NXPE2: variants seen among roughly 807,000 people sequenced by gnomAD.
NXPE2 encodes the protein NXPE family member 2.
NXPE2 carries 34 observed loss-of-function variants against 34.4 expected under a neutral mutation model. The ratio of observed to expected loss-of-function variants is 0.99; its 90% CI spans 0.75 to 1.31. NXPE2 has a LOEUF of 1.31. Among genes scored for constraint, NXPE2 ranks in the 40% most tolerant of loss-of-function variants. The pLI is 0.00. For synonymous variants in NXPE2, 235 were observed against 231.3 expected (o/e 1.02, Z -0.15); for missense variants, 649 against 672.5 (o/e 0.97, Z 0.39).
chr11:114,637,193 A>C, the NXPE2 span, among the ~76,000 whole-genome samples: 4 of 151,852 alleles, frequency 2.6e-5, no homozygotes, highest in Admixed American at 2.0e-4. Context: ...CTTCTTGTTG[A>C]GTTGATCCCT....
chr11:114,574,476 G>A, the NXPE2 span, among the ~76,000 whole-genome samples: 1 of 152,010 alleles, frequency 6.6e-6, no homozygotes, highest in Non-Finnish European at 1.5e-5. Flanking sequence ...ACTAAGAAGA[G>A]AGAAGATCCA....
chr11:114,666,332 A>T, the NXPE2 span, among the ~76,000 whole-genome samples: 1 of 152,144 alleles, frequency 6.6e-6, no homozygotes, highest in Non-Finnish European at 1.5e-5. Context: ...CCTCCTTTAA[A>T]GTAAAGTAAA....
chr11:114,637,322 C>A, the NXPE2 span, among the ~76,000 whole-genome samples: 1 of 151,682 alleles, frequency 6.6e-6, no homozygotes, highest in African/African-American at 2.4e-5. Flanking sequence ...CTTGGTAGAT[C>A]TTCCTCCATC....
the NXPE2 span, among the ~76,000 whole-genome samples, chr11:114,714,723 A>G: frequency 1.3e-5 from 2 of 152,120 alleles, no homozygotes; most frequent in East Asian, 1.9e-4. Flanking sequence ...ACCTGTATAT[A>G]GATAAAAATA....
chr11:114,737,571 A>G, the NXPE2 span, among the ~76,000 whole-genome samples: 22 of 152,146 alleles, frequency 1.4e-4, no homozygotes, highest in Non-Finnish European at 1.9e-4. Context: ...CTGCCAAACA[A>G]TTCTAGAGGT....
the NXPE2 span, among the ~76,000 whole-genome samples, chr11:114,805,681 A>G: frequency 6.6e-6 from 1 of 152,206 alleles, no homozygotes; most frequent in South Asian, 2.1e-4. Flanking sequence ...TTGATTAGGT[A>G]AACAAAGCAG....
the NXPE2 span, among the ~76,000 whole-genome samples, chr11:114,562,295 A>G: frequency 6.6e-6 from 1 of 152,164 alleles, no homozygotes; most frequent in African/African-American, 2.4e-5. Context: ...CTGAGTGCCA[A>G]TATCCAGTCT....
At chr11:114,468,017 C>T in the NXPE2 span, among the ~76,000 whole-genome samples, 2 of 151,850 alleles carry the variant, frequency 1.3e-5, no homozygotes, top group African/African-American at 4.8e-5. Flanking sequence ...CCTGATGATA[C>T]CCCTTCATTT....
the NXPE2 span, among the ~76,000 whole-genome samples, chr11:114,713,941 C>T: frequency 6.6e-6 from 1 of 152,214 alleles, no homozygotes; most frequent in African/African-American, 2.4e-5. Flanking sequence ...TCATCAAGTG[C>T]TTCAGGCTCT....
At chr11:114,503,085 C>CT in the NXPE2 span, among the ~76,000 whole-genome samples, 177 of 145,260 alleles carry the variant, frequency 1.2e-3, no homozygotes, top group East Asian at 2.0e-3. Context: ...GGTTAGATAC[C>CT]TTTTTTTTTT....
At chr11:114,515,318 A>C in the NXPE2 span, among the ~76,000 whole-genome samples, 1 of 152,208 alleles carries the variant, frequency 6.6e-6, no homozygotes, top group Non-Finnish European at 1.5e-5. Flanking sequence ...AGGTGAGAAT[A>C]CAAATTAACT....
the NXPE2 span, among the ~76,000 whole-genome samples, chr11:114,639,799 TAAATATAAAATAATATA>T: frequency 4.1e-5 from 5 of 122,686 alleles, no homozygotes; most frequent in Non-Finnish European, 7.9e-5. Context: ...TATATTATAT[TAAATATAAAATAATATA>T]AAATATAATA....
the NXPE2 span, among the ~76,000 whole-genome samples, chr11:114,751,689 C>T: frequency 6.6e-6 from 1 of 152,130 alleles, no homozygotes; most frequent in African/African-American, 2.4e-5. Context: ...CCAAAATGTC[C>T]ATATCCTAAT....
At chr11:114,559,112 A>G in the NXPE2 span, among the ~76,000 whole-genome samples, 1 of 152,350 alleles carries the variant, frequency 6.6e-6, no homozygotes, top group Middle Eastern at 3.4e-3. Context: ...TAAATTAAAA[A>G]TATACATACA....
the NXPE2 span, chr11:114,584,193 A>G: frequency 6.3e-4 from 221 of 350,242 alleles, 1 homozygote; most frequent in Non-Finnish European, 6.4e-4. Flanking sequence ...TGCCCTGGAA[A>G]TAAGAAAGAG....
the NXPE2 span, among the ~76,000 whole-genome samples, chr11:114,494,675 T>C: frequency 6.6e-6 from 1 of 152,210 alleles, no homozygotes; most frequent in Non-Finnish European, 1.5e-5. Flanking sequence ...AAAGGTCGCG[T>C]ATCTCTTCCT....
the NXPE2 span, among the ~76,000 whole-genome samples, chr11:114,618,212 A>G: frequency 6.6e-6 from 1 of 152,036 alleles, no homozygotes; most frequent in African/African-American, 2.4e-5. Context: ...ATTGGTCACC[A>G]CTGTTACCCG....
At chr11:114,664,484 G>C in the NXPE2 span, among the ~76,000 whole-genome samples, 1 of 152,080 alleles carries the variant, frequency 6.6e-6, no homozygotes, top group Admixed American at 6.6e-5. Flanking sequence ...CACGTAAATT[G>C]CACCTCAATA....
At chr11:114,523,832 T>C in the NXPE2 span, among the ~76,000 whole-genome samples, 1 of 152,244 alleles carries the variant, frequency 6.6e-6, no homozygotes, top group Non-Finnish European at 1.5e-5. Flanking sequence ...AGCCAATGCC[T>C]TGTATTTTAG....
Sources: allele counts gnomAD v4.1 joint callset (sites outside exome capture counted in the v4.1 genomes callset), GRCh38; gene constraint gnomAD v4.1.1; transcripts MANE v1.5; gene names NCBI Gene and HGNC (gene_info 2026-07-23, HGNC 2026-07-21).